The following TMC5 variants were observed in gnomAD, a reference collection of about 807,000 sequenced individuals.
The protein encoded by TMC5 is transmembrane channel like 5, also known as transmembrane channel-like protein 5.
In TMC5, 86 loss-of-function variants were observed where a neutral mutation model predicts 110.5. The ratio of observed to expected loss-of-function variants is 0.78; its 90% CI spans 0.65 to 0.93. The LOEUF is 0.93. Among genes scored for constraint, TMC5 ranks in the 40% least tolerant of loss-of-function variants. The probability of loss-of-function intolerance (pLI) is 0.00; values close to 1 mark genes in which losing one functional copy is unlikely to be tolerated. For synonymous variants in TMC5, 455 were observed against 439.5 expected (o/e 1.04, Z -0.44); for missense variants, 1,144 against 1,222.8 (o/e 0.94, Z 0.96).
intron 20 of TMC5, among the ~76,000 whole-genome samples, chr16:19,494,880 C>T (rs1567330264): frequency 6.6e-6 from 1 of 152,010 alleles, no homozygotes; most frequent in African/African-American, 2.4e-5. Context: ...TTACGGTGAA[C>T]AAAACAAAGC....
At chr16:19,433,410 T>A (rs1388519966) in intron 2 of TMC5, among the ~76,000 whole-genome samples, 2 of 152,154 alleles carry the variant, frequency 1.3e-5, no homozygotes, top group Non-Finnish European at 2.9e-5. Context: ...AAGATAGCCA[T>A]ATGCGATTGT....
At chr16:19,487,151 G>C (rs1376394061) in intron 16 of TMC5, 42 bp from the exon 17 acceptor site, 1 of 1,603,796 alleles carries the variant, frequency 6.2e-7, no homozygotes, top group South Asian at 1.1e-5. Flanking sequence ...CTCTGCCGCT[G>C]CTCCGGCTGC....
chr16:19,482,899 A>C (rs1284344394), intron 15 of TMC5, among the ~76,000 whole-genome samples: 2 of 151,754 alleles, frequency 1.3e-5, no homozygotes, highest in Non-Finnish European at 2.9e-5. Context: ...TATTTTTTTG[A>C]GACAGAGTCT....
chr16:19,437,493 G>T (rs1010772319), intron 2 of TMC5, among the ~76,000 whole-genome samples: 4 of 152,326 alleles, frequency 2.6e-5, no homozygotes, highest in Admixed American at 2.0e-4. Context: ...TTGGATGTGG[G>T]TTGGCACACG....
At chr16:19,457,374 A>G (rs1300266332) in intron 5 of TMC5, among the ~76,000 whole-genome samples, 1 of 152,216 alleles carries the variant, frequency 6.6e-6, no homozygotes, top group Non-Finnish European at 1.5e-5. Context: ...AGCCTGGGTG[A>G]CAGAGTAAGA....
chr16:19,487,371 T>C (rs1222928908), intron 17 of TMC5, 45 bp downstream of exon 17: 2 of 1,581,994 alleles, frequency 1.3e-6, no homozygotes, highest in Non-Finnish European at 1.7e-6. Flanking sequence ...ACTGGGTGGA[T>C]GGGTGTGTGT....
chr16:19,456,286 A>G (rs1967870515), intron 5 of TMC5, among the ~76,000 whole-genome samples: 1 of 150,208 alleles, frequency 6.7e-6, no homozygotes, highest in Admixed American at 6.7e-5. Context: ...TTTAGAACAT[A>G]TATATATGTA....
At chr16:19,440,860 G>A (rs188915443) in intron 3 of TMC5, 34 bp downstream of exon 3, 86 of 1,579,564 alleles carry the variant, frequency 5.4e-5, no homozygotes, top group Non-Finnish European at 7.2e-5. Flanking sequence ...CACTGGGAGT[G>A]GATGCTGAGT....
chr16:19,444,237 T>C lies in TMC5; in HGVS notation c.945T>C (p.Pro315=). 6.2e-7 allele frequency: 1 copy of C among 1,613,774 alleles called. No individual in the cohort carries two copies. Among genetic ancestry groups the C allele is most frequent in the Non-Finnish European group, 8.5e-7 (1 of 1,179,996 alleles). ...ATGGCCACTCTCTGCCAGGTGCTCC[T>C]GGAAGTGGCTATGGTAAGCATTTGT... ...NSYGHSLPGA[P]GSGYVNPAYV... is the part of the protein sequence containing the mutation. Residue 315 remains proline (P), a synonymous_variant, in exon 4 of 22, where the codon CCT becomes CCC. Coordinates refer to ENST00000542583, the MANE Select transcript of TMC5 (RefSeq NM_001261841.2).
At chr16:19,414,679 G>A (rs1966867930), upstream of TMC5, among the ~76,000 whole-genome samples, 1 of 152,052 alleles carries the variant, frequency 6.6e-6, no homozygotes, top group African/African-American at 2.4e-5. Flanking sequence ...GGCTGAGGCG[G>A]GAGGATCGCT....
intron 1 of TMC5, among the ~76,000 whole-genome samples, chr16:19,422,029 G>A (rs1966994517): frequency 6.6e-6 from 1 of 152,020 alleles, no homozygotes; most frequent in Non-Finnish European, 1.5e-5. Flanking sequence ...AGGAGATCAA[G>A]ACCATCCTGG....
At chr16:19,491,244 A>G (rs187496139) in intron 18 of TMC5, among the ~76,000 whole-genome samples, 4 of 152,236 alleles carry the variant, frequency 2.6e-5, no homozygotes, top group African/African-American at 9.6e-5. Context: ...TCCTGGCCTC[A>G]AATTATCCTC....
Position 19,490,572 on chromosome 16 carries a change from AGT to A in TMC5, c.2747+8_2747+9del, listed in dbSNP as rs1439820933. 1.9e-6 allele frequency: 3 copies of A among 1,613,878 alleles called. No individual in the cohort carries two copies. The African/African-American group carries it at 4.0e-5, about 22-fold the overall frequency. ...TCATCCTCACCCTCATTGTGCTGTG[AGT>A]GTGGTACCCGGGGAATCTAGCAGGG... On this transcript the variant is annotated splice_donor_5th_base_variant and intron_variant, in intron 18 of 21. Transcript: ENST00000542583.
intron 15 of TMC5, among the ~76,000 whole-genome samples, chr16:19,485,074 C>A (rs1968705760): frequency 6.7e-6 from 1 of 150,270 alleles, no homozygotes; most frequent in African/African-American, 2.4e-5. Flanking sequence ...TGACGTTTCA[C>A]CTGTACCATT....
chr16:19,423,101 T>C (rs543965200), intron 1 of TMC5, among the ~76,000 whole-genome samples: 4 of 152,326 alleles, frequency 2.6e-5, no homozygotes, highest in South Asian at 4.1e-4. Context: ...TTACCCCTTC[T>C]CCTTTCTCTT....
In TMC5 at chr16:19,440,776, T is replaced by G. The variant is rs1967468774; in HGVS notation, c.738T>G (p.Ala246=). The G allele has an allele frequency of 1.2e-6, 2 of 1,614,034 alleles. No individual in the cohort carries two copies. The highest frequency in any genetic ancestry group is 1.7e-6 in the Non-Finnish European group (2 of 1,180,038). The part of the protein sequence containing the change: ...STWREPDYSD[A]ENGHDYGSSE... ...GGAGAGAACCTGATTATTCAGATGC[T>G]GAGAATGGTCATGATTATGGCTCTT... The change falls in exon 3 of 22, where the codon GCT becomes GCG. Residue 246 remains alanine (A), a synonymous_variant. Transcript: ENST00000542583.
At chr16:19,473,623 C>T (rs534824104) in intron 11 of TMC5, among the ~76,000 whole-genome samples, 12 of 152,254 alleles carry the variant, frequency 7.9e-5, no homozygotes, top group African/African-American at 2.6e-4. Context: ...GGGCAAGTGT[C>T]TTCCCCTCCC....
chr16:19,424,618 C>A (rs1369129915), intron 1 of TMC5, among the ~76,000 whole-genome samples: 1 of 152,092 alleles, frequency 6.6e-6, no homozygotes, highest in African/African-American at 2.4e-5. Context: ...CATTGCCCTT[C>A]AGCCTGGGTG....
At chr16:19,492,882 G>A (rs1433227695) in intron 19 of TMC5, among the ~76,000 whole-genome samples, 3 of 130,766 alleles carry the variant, frequency 2.3e-5, no homozygotes, top group African/African-American at 8.1e-5. Flanking sequence ...GCAAATCTTA[G>A]GCTTTATATT....
Sources: allele counts gnomAD v4.1 joint callset (sites outside exome capture counted in the v4.1 genomes callset), GRCh38; gene constraint gnomAD v4.1.1; transcripts MANE v1.5; gene names NCBI Gene and HGNC (gene_info 2026-07-23, HGNC 2026-07-21).